Variants in ZFPM1 observed in about 807,000 individuals in gnomAD.
ZFPM1 encodes the protein zinc finger protein, FOG family member 1.
Under a neutral mutation model 46.3 loss-of-function variants are expected in ZFPM1, and 28 were observed. That is an observed-to-expected ratio of 0.60 (90% CI 0.45 to 0.83). The LOEUF is 0.83. Among genes scored for constraint, ZFPM1 ranks in the 40% least tolerant of loss-of-function variants. ZFPM1 has a pLI of 0.00. For missense variants in ZFPM1, 1,878 were observed against 1,432.4 expected (o/e 1.31, Z -5.02); for synonymous variants, 957 against 675.9 (o/e 1.42, Z -6.45).
At chr16:88,524,422 G>T (rs538069529) in intron 4 of ZFPM1, among the ~76,000 whole-genome samples, 1 of 152,322 alleles carries the variant, frequency 6.6e-6, no homozygotes, top group South Asian at 2.1e-4. Flanking sequence ...CCTGAGCCCT[G>T]CTCTGCGGCC....
rs1420379234 is a variant in ZFPM1, at chr16:88,486,044, G to A, written c.145+1G>A. 6.2e-7 allele frequency: 1 copy of A among 1,610,944 alleles called. No homozygotes were observed. The highest frequency in any genetic ancestry group is 1.7e-5 in the Admixed American group (1 of 59,736). On this transcript the variant is annotated splice_donor_variant, in intron 2 of 9. Transcript: ENST00000319555. LOFTEE classifies it high-confidence loss of function. ...GAAGCCCCGAGCCCTCCCAGCGCAG[G>A]TGAGTCAGACTGAGCCCTCTCACCG...
chr16:88,453,131 G>A (rs979663910), upstream of ZFPM1, among the ~76,000 whole-genome samples: 1 of 149,914 alleles, frequency 6.7e-6, no homozygotes, highest in African/African-American at 2.4e-5. Flanking sequence ...CGAAGAGCCG[G>A]GCTGGCGGGG....
At chr16:88,518,485 G>A (rs2142443161) in intron 4 of ZFPM1, among the ~76,000 whole-genome samples, 2 of 151,688 alleles carry the variant, frequency 1.3e-5, no homozygotes, top group Middle Eastern at 3.4e-3. Flanking sequence ...ATGGGTAGAT[G>A]GACAGATGTG....
chr16:88,472,206 C>T (rs373029918), intron 1 of ZFPM1, among the ~76,000 whole-genome samples: 43 of 151,738 alleles, frequency 2.8e-4, no homozygotes, highest in African/African-American at 9.0e-4. Context: ...CGGTGGTGGG[C>T]AGGGCAGGTG....
rs185873487 is a variant in ZFPM1, at chr16:88,475,717, G to T, written c.41-10222G>T. On this transcript the variant is annotated intron_variant, in intron 1 of 9. Coordinates refer to ENST00000319555, the MANE Select transcript of ZFPM1 (RefSeq NM_153813.3). ...TATCTGTGTGGCCACCCCGAGGCTC[G>T]CTGGCCACTGCCCACTGTCTGCTGC... Among the ~76,000 whole-genome samples the T allele has an allele frequency of 7.7e-3, 1,166 of 152,296 alleles. 16 individuals carry two copies. The highest frequency in any genetic ancestry group is 0.027 in the African/African-American group (1,124 of 41,560).
At chr16:88,522,547 G>A (rs958927386) in intron 4 of ZFPM1, among the ~76,000 whole-genome samples, 1 of 152,246 alleles carries the variant, frequency 6.6e-6, no homozygotes, top group Non-Finnish European at 1.5e-5. Flanking sequence ...AGCGAGGTTT[G>A]GGAACGGCCT....
chr16:88,526,579 C>T (rs1020139513), intron 4 of ZFPM1, among the ~76,000 whole-genome samples: 3 of 152,212 alleles, frequency 2.0e-5, no homozygotes, highest in African/African-American at 7.2e-5. Context: ...CTGGAAGGTA[C>T]TACTCCCTGC....
chr16:88,519,393 A>G (rs908177609), intron 4 of ZFPM1, among the ~76,000 whole-genome samples: 6 of 146,372 alleles, frequency 4.1e-5, no homozygotes, highest in Non-Finnish European at 6.0e-5. Flanking sequence ...AGGTGGATGG[A>G]TAAGTGAGTG....
intron 3 of ZFPM1, among the ~76,000 whole-genome samples, chr16:88,505,995 T>C (rs531004553): frequency 2.2e-4 from 34 of 152,286 alleles, no homozygotes; most frequent in Middle Eastern, 3.4e-3. Flanking sequence ...GCAGGTTCTG[T>C]GGTTCGAAGC....
At chr16:88,458,655 C>T (rs1370504838) in intron 1 of ZFPM1, among the ~76,000 whole-genome samples, 1 of 152,240 alleles carries the variant, frequency 6.6e-6, no homozygotes, top group South Asian at 2.1e-4. Flanking sequence ...TATCACCAAC[C>T]CCATGGACCC....
At chr16:88,457,014 C>T (rs1907589484) in intron 1 of ZFPM1, among the ~76,000 whole-genome samples, 1 of 152,218 alleles carries the variant, frequency 6.6e-6, no homozygotes, top group African/African-American at 2.4e-5. Flanking sequence ...CACACACTCT[C>T]AGAGTTTGAT....
Position 88,494,682 on chromosome 16 carries a change from G to C in ZFPM1, c.268+5529G>C, listed in dbSNP as rs146957140. On this transcript the variant is annotated intron_variant, in intron 3 of 9. Transcript: ENST00000319555. ...GGGCAGGAGGCCGCAGGGCCTGAGT[G>C]GGGGGCGAGGCGGGCGTGGACAGGC... 5.8e-3 allele frequency among the ~76,000 whole-genome samples: 886 copies of C among 152,246 alleles called. 10 individuals are homozygous for C. The highest frequency in any genetic ancestry group is 0.02 in the African/African-American group (819 of 41,546).
rs1300903603 is a variant in ZFPM1 at position 88,471,024 on chromosome 16, C to T, written c.41-14915C>T. ...ACCTCACCCGGTGGGGTCCAGCCTCCGCGACAGGCATTCCCTTCCCCGTGT... is the reference window on the plus strand; with the variant it reads ...ACCTCACCCGGTGGGGTCCAGCCTCTGCGACAGGCATTCCCTTCCCCGTGT... On this transcript the variant is annotated intron_variant, in intron 1 of 9. Transcript: ENST00000319555. The surrounding 1 kb of genome is among the most constrained non-coding windows in gnomAD (Gnocchi z 4.1). Among the ~76,000 whole-genome samples the T allele has an allele frequency of 2.0e-5, 3 of 152,148 alleles. No homozygotes were observed. Among genetic ancestry groups the T allele is most frequent in the Non-Finnish European group, 2.9e-5 (2 of 68,020 alleles).
At chr16:88,505,733 C>A (rs888762716) in intron 3 of ZFPM1, among the ~76,000 whole-genome samples, 1 of 152,164 alleles carries the variant, frequency 6.6e-6, no homozygotes, top group African/African-American at 2.4e-5. Flanking sequence ...CCACCCAGGC[C>A]CCCTGCGATG....
chr16:88,468,020 ACACACCCGCG>A (rs1908220323), intron 1 of ZFPM1, among the ~76,000 whole-genome samples: 1 of 49,446 alleles, frequency 2.0e-5, no homozygotes, highest in African/African-American at 8.1e-5. Flanking sequence ...ACCGCCCCTC[ACACACCCGCG>A]AGCCCACCGC....
In ZFPM1 at chr16:88,469,770, G is replaced by T. The variant is rs1216230012; in HGVS notation, c.40+16092G>T. ...TAGTGGCGGGGCGAGGAGAGAAAGA[G>T]TCTGGGCTGAGATCTAAGGAGAGGA... On this transcript the variant is annotated intron_variant, in intron 1 of 9. Coordinates refer to ENST00000319555, the MANE Select transcript of ZFPM1 (RefSeq NM_153813.3). The surrounding 1 kb of genome is among the most constrained non-coding windows in gnomAD (Gnocchi z 4.3). 6.6e-6 allele frequency among the ~76,000 whole-genome samples: 1 copy of T among 152,168 alleles called. No homozygotes were observed. The highest frequency in any genetic ancestry group is 2.4e-5 in the African/African-American group (1 of 41,516).
chr16:88,480,301 C>T lies in ZFPM1; in HGVS notation c.41-5638C>T, dbSNP rs1232484002. 7.2e-5 allele frequency among the ~76,000 whole-genome samples: 11 copies of T among 152,152 alleles called. No individual in the cohort carries two copies. Among genetic ancestry groups the T allele is most frequent in the Admixed American group, 6.5e-4 (10 of 15,270 alleles). On this transcript the variant is annotated intron_variant, in intron 1 of 9. Coordinates refer to ENST00000319555, the MANE Select transcript of ZFPM1 (RefSeq NM_153813.3). The surrounding 1 kb of genome is among the most constrained non-coding windows in gnomAD (Gnocchi z 4.9). Reference sequence around the variant, plus strand: ...TTTTGGGGGATGGGGCTGGTCACTGCAGGATCTCTGGCACCTCGTGAGGGT... The same window carrying T: ...TTTTGGGGGATGGGGCTGGTCACTGTAGGATCTCTGGCACCTCGTGAGGGT...
intron 7 of ZFPM1, 59 bp from the exon 8 acceptor site, chr16:88,532,555 C>A: frequency 1.3e-6 from 2 of 1,516,334 alleles, no homozygotes; most frequent in Non-Finnish European, 1.8e-6. Flanking sequence ...CCTTCCTCAT[C>A]CCTGGAGTCC....
At chr16:88,500,072 A>T (rs898023055) in intron 3 of ZFPM1, among the ~76,000 whole-genome samples, 1 of 152,194 alleles carries the variant, frequency 6.6e-6, no homozygotes, top group Non-Finnish European at 1.5e-5. Context: ...TCTCGGCCGC[A>T]GGCGCTAATC....
Sources: gnomAD v4.1 joint callset for allele counts (sites outside exome capture counted in the v4.1 genomes callset) on GRCh38, gnomAD v4.1.1 for gene constraint, Gnocchi (gnomAD v3.1) non-coding constraint, MANE v1.5 for transcripts, NCBI Gene and HGNC (gene_info 2026-07-23, HGNC 2026-07-21) for gene names.